Variants in ZNF761 observed in about 807,000 individuals in gnomAD.
ZNF761 encodes zinc finger protein 761.
In ZNF761, 43 loss-of-function variants were observed where a neutral mutation model predicts 59.9. The observed-to-expected ratio is 0.72, with a 90% CI of 0.56 to 0.92. ZNF761 has a LOEUF of 0.92. ZNF761 is among the 40% of genes least tolerant of loss of function. The pLI, the probability that ZNF761 is intolerant of heterozygous loss-of-function variation, is 0.00. For missense variants in ZNF761, 850 were observed against 906.1 expected (o/e 0.94, Z 0.79); for synonymous variants, 294 against 304.8 (o/e 0.96, Z 0.37).
rs1207530366 is a variant in ZNF761 at position 53,458,139 on chromosome 19, A to G, written c.*1391A>G. ...AACTAATTTTTGGTGCTGATACTGT[A>G]TTGTGCAAATCCACTGACTATGTTA... On this transcript the variant is annotated 3_prime_UTR_variant, in exon 5 of 5. Coordinates refer to ENST00000684525, the MANE Select transcript of ZNF761 (RefSeq NM_001289951.2). 6.5e-6 allele frequency: 1 copy of G among 153,682 alleles called. No homozygotes were observed. The highest frequency in any genetic ancestry group is 1.4e-5 in the Non-Finnish European group (1 of 69,134). 9.5% of individuals were successfully genotyped at this position (153,682 alleles called of 1,614,324 possible).
rs753500293 is a variant in ZNF761, at chr19:53,455,579, G to C, written c.1072G>C (p.Glu358Gln). ...HTGEKPYKCN[E>Q]CGKTFSHKSS... ...TGGAGAGAAACCTTACAAGTGTAAT[G>C]AGTGTGGCAAGACCTTTAGTCACAA... The change falls in exon 5 of 5, where the codon GAG (glutamate) becomes CAG (glutamine). Residue 358 changes from glutamate (E) to glutamine (Q), a missense_variant. Transcript: ENST00000684525. The C allele has an allele frequency of 1.2e-5, 20 of 1,614,110 alleles. No homozygotes were observed. The highest frequency in any genetic ancestry group is 1.7e-5 in the Non-Finnish European group (20 of 1,179,998).
Position 53,457,095 on chromosome 19 carries a change from G to A in ZNF761, c.*347G>A, listed in dbSNP as rs1211714647. 3.4e-6 allele frequency: 2 copies of A among 593,448 alleles called. No individual in the cohort carries two copies. Among genetic ancestry groups the A allele is most frequent in the Non-Finnish European group, 6.0e-6 (2 of 331,922 alleles). The allele number at this position is 593,448 out of a possible 1,614,324, so 36.8% of individuals were successfully genotyped here. ...TTACCAGTGTAATGAGTGTGGCAAA[G>A]CCTTTAGTAGGCAGTCAACACTTGT... On this transcript the variant is annotated 3_prime_UTR_variant, in exon 5 of 5. Transcript: ENST00000684525.
intron 1 of ZNF761, chr19:53,445,332 T>C (rs1295765645): frequency 6.6e-6 from 1 of 152,206 alleles, no homozygotes; most frequent in East Asian, 1.9e-4. Context: ...AAAAGAAGTT[T>C]CTTTAGCCCA....
intron 4 of ZNF761, among the ~76,000 whole-genome samples, chr19:53,452,240 T>A (rs1017313042): frequency 1.3e-5 from 2 of 152,094 alleles, no homozygotes; most frequent in African/African-American, 4.8e-5. Context: ...CCCAGCACTT[T>A]GGGAGGCTGA....
intron 1 of ZNF761, among the ~76,000 whole-genome samples, chr19:53,433,675 C>T (rs769223622): frequency 3.9e-5 from 6 of 152,136 alleles, no homozygotes; most frequent in African/African-American, 7.2e-5. Flanking sequence ...ATATTTATAT[C>T]GGGCTATTAG....
At chr19:53,435,127 G>C (rs4803115) in intron 1 of ZNF761, among the ~76,000 whole-genome samples, 1 of 151,540 alleles carries the variant, frequency 6.6e-6, no homozygotes, top group Non-Finnish European at 1.5e-5. Context: ...TCGGTAAAAG[G>C]GGGGGACCTT....
chr19:53,437,726 A>G (rs945695183), intron 1 of ZNF761, among the ~76,000 whole-genome samples: 1 of 152,166 alleles, frequency 6.6e-6, no homozygotes, highest in African/African-American at 2.4e-5. Flanking sequence ...GTGCTGTAGA[A>G]TCTCTTCTTT....
chr19:53,456,017 A>G lies in ZNF761; in HGVS notation c.1510A>G (p.Ser504Gly), dbSNP rs2086266325. 1.2e-6 allele frequency: 2 copies of G among 1,613,996 alleles called. No homozygotes were observed. The highest frequency in any genetic ancestry group is 1.7e-6 in the Non-Finnish European group (2 of 1,179,944). The change falls in exon 5 of 5, where the codon AGT (serine) becomes GGT (glycine). Residue 504 changes from serine (S) to glycine (G), a missense_variant. Physicochemically the swap from Ser to Gly is moderately conservative, Grantham distance 56. Transcript: ENST00000684525. ...GTGTAATGAGTGTGGCAAGACCTTTAGTCGGAAGTCATACCTCACATGCCA... is the reference window on the plus strand; with the variant it reads ...GTGTAATGAGTGTGGCAAGACCTTTGGTCGGAAGTCATACCTCACATGCCA... ...YKCNECGKTF[S>G]RKSYLTCHHR...
intron 1 of ZNF761, among the ~76,000 whole-genome samples, chr19:53,435,958 T>C (rs552032080): frequency 1.6e-4 from 25 of 152,318 alleles, no homozygotes; most frequent in African/African-American, 5.3e-4. Flanking sequence ...AGTCAGCTTC[T>C]GGTGTGTGAC....
Position 53,456,664 on chromosome 19 carries a change from G to A in ZNF761, c.2157G>A (p.Lys719=), listed in dbSNP as rs759008011. 4.2e-5 allele frequency: 67 copies of A among 1,613,508 alleles called. No homozygotes were observed. In the Admixed American group the frequency reaches 1.1e-3, roughly 27 times the overall value. ...TTCATACTGGAGAGAAACCTTACAA[G>A]TGTAATGAGTGTGGCAAGACCTTTA... ...HRLHTGEKPY[K]CNECGKTFSQ... is the part of the protein sequence containing the mutation. Residue 719 remains lysine (K), a synonymous_variant, in exon 5 of 5, where the codon AAG becomes AAA. Transcript: ENST00000684525.
intron 1 of ZNF761, among the ~76,000 whole-genome samples, chr19:53,435,927 A>G (rs2086037388): frequency 6.6e-6 from 1 of 152,194 alleles, no homozygotes; most frequent in Admixed American, 6.5e-5. Context: ...CGAGTCCTCA[A>G]GCTTCGGCCG....
intron 1 of ZNF761, among the ~76,000 whole-genome samples, chr19:53,433,043 CAG>C (rs779630646): frequency 0.087 from 7,108 of 81,638 alleles, 184 homozygotes; most frequent in Middle Eastern, 0.19. Flanking sequence ...AGAGTGGGGA[CAG>C]GGGGGTATAA....
At chr19:53,454,625 A>T (rs1369787876) in intron 4 of ZNF761, 25 bp from the exon 5 acceptor site, 1 of 1,546,726 alleles carries the variant, frequency 6.5e-7, no homozygotes, top group Non-Finnish European at 8.7e-7. Context: ...TTAATTTGAA[A>T]GCTTTCGGTG....
At chr19:53,448,954 T>G (rs11883259) in intron 3 of ZNF761, among the ~76,000 whole-genome samples, 3 of 151,960 alleles carry the variant, frequency 2.0e-5, no homozygotes, top group Admixed American at 1.3e-4. Flanking sequence ...TAGTTTCTCA[T>G]CTTTCACTGT....
At position 53,456,213 on chromosome 19, in the gene ZNF761, G is replaced by A. The variant is rs371251228; in HGVS notation, c.1706G>A (p.Arg569His). ...FNQQLTLKRH[R>H]RLHSGENPYK... is the part of the protein sequence containing the mutation. ...CAGCAGTTAACCCTTAAACGCCATC[G>A]TAGACTTCATAGTGGAGAGAACCCT... The change falls in exon 5 of 5, where the codon CGT becomes CAT. Residue 569 changes from arginine to histidine, a missense_variant. Transcript: ENST00000684525. The A allele has an allele frequency of 3.7e-5, 59 of 1,613,642 alleles. No individual in the cohort carries two copies. The highest frequency in any genetic ancestry group is 1.6e-4 in the Middle Eastern group (1 of 6,078).
intron 1 of ZNF761, among the ~76,000 whole-genome samples, chr19:53,436,912 C>A (rs2708804): frequency 0.35 from 53,092 of 152,116 alleles, 9,779 homozygotes; most frequent in African/African-American, 0.39. Flanking sequence ...ACGGCTCCTA[C>A]TTCTTGAATT....
chr19:53,434,828 C>A (rs1363127811), intron 1 of ZNF761, among the ~76,000 whole-genome samples: 1 of 152,156 alleles, frequency 6.6e-6, no homozygotes, highest in Non-Finnish European at 1.5e-5. Flanking sequence ...TGAGGAAATG[C>A]TTAAGCTGCT....
At chr19:53,432,568 G>A (rs2708747) in intron 1 of ZNF761, among the ~76,000 whole-genome samples, 90,855 of 151,934 alleles carry the variant, frequency 0.6, 28,088 homozygotes, top group African/African-American at 0.76. Context: ...GTCCTGTGAC[G>A]CGGGGTGTTA....
intron 4 of ZNF761, 59 bp downstream of exon 4, chr19:53,449,697 C>G (rs1296268444): frequency 1.3e-6 from 2 of 1,592,076 alleles, no homozygotes; most frequent in African/African-American, 1.4e-5. Flanking sequence ...TGTATTTTCT[C>G]TTGTTTTTAG....
Sources: gnomAD v4.1 joint callset for allele counts (sites outside exome capture counted in the v4.1 genomes callset) on GRCh38, gnomAD v4.1.1 for gene constraint, MANE v1.5 for transcripts, NCBI Gene and HGNC (gene_info 2026-07-23, HGNC 2026-07-21) for gene names.